AGAP1: variants seen among roughly 807,000 people sequenced by gnomAD.
The protein encoded by AGAP1 is ArfGAP with GTPase domain, ankyrin repeat and PH domain 1.
Under a neutral mutation model 105.3 loss-of-function variants are expected in AGAP1, and 29 were observed. That is an observed-to-expected ratio of 0.28 (90% confidence interval 0.21 to 0.38). The LOEUF (loss-of-function observed/expected upper bound fraction) is 0.38, where lower values mean the gene tolerates loss of function less well. AGAP1 is among the 10% of genes least tolerant of loss of function. The probability of loss-of-function intolerance (pLI) is 1.00; values close to 1 mark genes in which losing one functional copy is unlikely to be tolerated. For synonymous variants in AGAP1, 509 were observed against 485.9 expected (o/e 1.05, Z -0.63); for missense variants, 998 against 1,165.1 (o/e 0.86, Z 2.09).
intron 1 of AGAP1, among the ~76,000 whole-genome samples, chr2:235,653,529 A>C (rs532902842): frequency 2.5e-4 from 37 of 150,124 alleles, no homozygotes; most frequent in Middle Eastern, 3.4e-3. Flanking sequence ...CATAACATAA[A>C]ATAAAATAAT....
At chr2:235,558,868 C>T (rs1240165724) in intron 1 of AGAP1, among the ~76,000 whole-genome samples, 1 of 152,086 alleles carries the variant, frequency 6.6e-6, no homozygotes, top group Non-Finnish European at 1.5e-5. Flanking sequence ...AAATCATTAC[C>T]ATAGCCTCAG....
At position 235,891,569 on chromosome 2, in the gene AGAP1, C is replaced by T. The variant is rs535447710; in HGVS notation, c.1155+8120C>T. Among the ~76,000 whole-genome samples, 2 of 152,272 alleles carry T rather than the reference C, an allele frequency of 1.3e-5. No individual in the cohort carries two copies. The highest frequency in any genetic ancestry group is 4.8e-5 in the African/African-American group (2 of 41,560). On this transcript the variant is annotated intron_variant, in intron 10 of 17. Coordinates refer to ENST00000304032, the MANE Select transcript of AGAP1 (RefSeq NM_001037131.3). The surrounding 1 kb of genome is among the most constrained non-coding windows in gnomAD (Gnocchi z 4.2). Reference sequence around the variant, plus strand: ...ACTTGGACCTCAGGGCTTCACAGTTCAGCGTGGCCACCTATTCATCTTCCA... The same window carrying T: ...ACTTGGACCTCAGGGCTTCACAGTTTAGCGTGGCCACCTATTCATCTTCCA...
In AGAP1 at chr2:236,044,884, C is replaced by T. The variant is rs920685340; in HGVS notation, c.1891+4043C>T. Among the ~76,000 whole-genome samples the T allele has an allele frequency of 5.3e-5, 8 of 149,780 alleles. No homozygotes were observed. The highest frequency in any genetic ancestry group is 2.0e-4 in the African/African-American group (8 of 40,998). ...TTTCTGGTTTGGGCGGGGGCAGGGG[C>T]GGGTTGAGATGGGGTCTCGCCCTAT... On this transcript the variant is annotated intron_variant, in intron 15 of 17. Transcript: ENST00000304032. This position sits in a 1 kb window ranked among gnomAD's most constrained non-coding sequence, Gnocchi z 5.7.
rs1255313624 is a variant in AGAP1 at position 235,864,878 on chromosome 2, A to G, written c.1051-18467A>G. 6.6e-6 allele frequency among the ~76,000 whole-genome samples: 1 copy of G among 152,002 alleles called. No individual in the cohort carries two copies. The highest frequency in any genetic ancestry group is 1.5e-5 in the Non-Finnish European group (1 of 68,014). On this transcript the variant is annotated intron_variant, in intron 9 of 17. Coordinates refer to ENST00000304032, the MANE Select transcript of AGAP1 (RefSeq NM_001037131.3). The surrounding 1 kb of genome is among the most constrained non-coding windows in gnomAD (Gnocchi z 5.0). ...CATATTCAAAATTCCTTTGATTAGC[A>G]TTTGGTTCTGGTTGGGACTTAATAA... is the stretch of plus-strand genomic sequence containing the variant.
chr2:235,666,465 A>C (rs1209834891), intron 1 of AGAP1, among the ~76,000 whole-genome samples: 2 of 152,082 alleles, frequency 1.3e-5, no homozygotes, highest in Non-Finnish European at 2.9e-5. Context: ...GGGGAAAGGC[A>C]ATTCTCTGTG....
chr2:235,878,249 G>A (rs779273010), intron 9 of AGAP1, among the ~76,000 whole-genome samples: 2 of 152,212 alleles, frequency 1.3e-5, no homozygotes, highest in African/African-American at 4.8e-5. Context: ...CCTGCAGCAG[G>A]TTCAGTGTAA....
intron 1 of AGAP1, among the ~76,000 whole-genome samples, chr2:235,647,996 A>T (rs752929071): frequency 1.3e-5 from 2 of 152,180 alleles, no homozygotes; most frequent in Non-Finnish European, 2.9e-5. Flanking sequence ...GGTGACTGAG[A>T]TGAGCACATG....
Position 235,769,195 on chromosome 2 carries a change from G to A in AGAP1, c.673+18707G>A, listed in dbSNP as rs1006331544. Among the ~76,000 whole-genome samples the A allele has an allele frequency of 9.2e-5, 14 of 152,114 alleles. No homozygotes were observed. The highest frequency in any genetic ancestry group is 3.4e-4 in the African/African-American group (14 of 41,436). ...ACAGTCCTGTTGCTGCTACCTTGGGGCCCAGGCGTGTCTTTTGTCCCCCAG... is the reference window on the plus strand; with the variant it reads ...ACAGTCCTGTTGCTGCTACCTTGGGACCCAGGCGTGTCTTTTGTCCCCCAG... On this transcript the variant is annotated intron_variant, in intron 6 of 17. Coordinates refer to ENST00000304032, the MANE Select transcript of AGAP1 (RefSeq NM_001037131.3). This position sits in a 1 kb window ranked among gnomAD's most constrained non-coding sequence, Gnocchi z 4.4.
intron 10 of AGAP1, among the ~76,000 whole-genome samples, chr2:235,898,081 C>T (rs2050891809): frequency 6.6e-6 from 1 of 152,212 alleles, no homozygotes; most frequent in Non-Finnish European, 1.5e-5. Flanking sequence ...CAACTCTAGG[C>T]TAAAAATCCG....
At position 236,009,712 on chromosome 2, in the gene AGAP1, A is replaced by C. The variant is rs756743875; in HGVS notation, c.1646-26849A>C. Reference sequence around the variant, plus strand: ...AGGTAAAAAGATCCTATTAGTTCTCATAATTGATTCTGAGGGCTGCAGCGT... The same window carrying C: ...AGGTAAAAAGATCCTATTAGTTCTCCTAATTGATTCTGAGGGCTGCAGCGT... On this transcript the variant is annotated intron_variant, in intron 13 of 17. Coordinates refer to ENST00000304032, the MANE Select transcript of AGAP1 (RefSeq NM_001037131.3). The surrounding 1 kb of genome is among the most constrained non-coding windows in gnomAD (Gnocchi z 4.2). 2.0e-5 allele frequency among the ~76,000 whole-genome samples: 3 copies of C among 152,164 alleles called. No homozygotes were observed. Among genetic ancestry groups the C allele is most frequent in the Non-Finnish European group, 4.4e-5 (3 of 68,030 alleles).
At chr2:235,653,337 A>G (rs1331896000) in intron 1 of AGAP1, among the ~76,000 whole-genome samples, 26 of 150,874 alleles carry the variant, frequency 1.7e-4, no homozygotes, top group Admixed American at 1.6e-3. Flanking sequence ...GGTGGCGGGC[A>G]CCTGTGGTCC....
At chr2:235,604,731 C>T (rs540747898) in intron 1 of AGAP1, among the ~76,000 whole-genome samples, 3 of 150,622 alleles carry the variant, frequency 2.0e-5, no homozygotes, top group South Asian at 4.2e-4. Context: ...TACAGGCGCC[C>T]GCTACCACGC....
rs577870755 is a variant in AGAP1, at chr2:235,496,889, A to G, written c.163+2040A>G. Among the ~76,000 whole-genome samples, 3 of 152,300 alleles carry G rather than the reference A, an allele frequency of 2.0e-5. No individual in the cohort carries two copies. The South Asian group carries it at 6.2e-4, about 32-fold the overall frequency. Reference sequence around the variant, plus strand: ...GTCATTTTTAATAAGGCTTAGAATCATTGGGTGAATCCTGTTTGGGACTGG... The same window carrying G: ...GTCATTTTTAATAAGGCTTAGAATCGTTGGGTGAATCCTGTTTGGGACTGG... On this transcript the variant is annotated intron_variant, in intron 1 of 17. Coordinates refer to ENST00000304032, the MANE Select transcript of AGAP1 (RefSeq NM_001037131.3).
chr2:235,903,504 C>T (rs917491421), intron 10 of AGAP1, among the ~76,000 whole-genome samples: 2 of 152,140 alleles, frequency 1.3e-5, no homozygotes, highest in African/African-American at 4.8e-5. Context: ...CACCAGACAG[C>T]CAAAGGTAAC....
At chr2:235,895,265 T>C (rs2050747583) in intron 10 of AGAP1, among the ~76,000 whole-genome samples, 1 of 152,204 alleles carries the variant, frequency 6.6e-6, no homozygotes, top group Non-Finnish European at 1.5e-5. Context: ...TGAGTTCTTT[T>C]ATGTATTTCC....
At chr2:235,928,798 C>T (rs987826397) in intron 11 of AGAP1, among the ~76,000 whole-genome samples, 1 of 152,162 alleles carries the variant, frequency 6.6e-6, no homozygotes, top group Non-Finnish European at 1.5e-5. Flanking sequence ...GATGGTGGCA[C>T]GTGGAAAATA....
chr2:235,661,056 A>G (rs1167378150), intron 1 of AGAP1, among the ~76,000 whole-genome samples: 1 of 152,030 alleles, frequency 6.6e-6, no homozygotes, highest in Non-Finnish European at 1.5e-5. Flanking sequence ...GTACCCTCAG[A>G]CTCTGATTGC....
rs13395184 is a variant in AGAP1 at position 235,953,808 on chromosome 2, C to T, written c.1484-14654C>T. On this transcript the variant is annotated intron_variant, in intron 12 of 17. Transcript: ENST00000304032. The surrounding 1 kb of genome is among the most constrained non-coding windows in gnomAD (Gnocchi z 5.2). ...CATGGTGGGTCATACCTGTGGTCCACGCTCCTTGGGAGGCTGAGGCAGGAG... is the reference window on the plus strand; with the variant it reads ...CATGGTGGGTCATACCTGTGGTCCATGCTCCTTGGGAGGCTGAGGCAGGAG... Among the ~76,000 whole-genome samples the T allele has an allele frequency of 3.9e-5, 6 of 152,142 alleles. No individual in the cohort carries two copies. The highest frequency in any genetic ancestry group is 3.9e-4 in the East Asian group (2 of 5,172).
chr2:236,019,694 C>T (rs1182244535), intron 13 of AGAP1, among the ~76,000 whole-genome samples: 1 of 152,214 alleles, frequency 6.6e-6, no homozygotes, highest in Non-Finnish European at 1.5e-5. Flanking sequence ...GAGGTGTGTG[C>T]CGAGGATTCT....
Sources: allele counts gnomAD v4.1 joint callset (sites outside exome capture counted in the v4.1 genomes callset), GRCh38; gene constraint gnomAD v4.1.1; non-coding constraint Gnocchi (gnomAD v3.1); transcripts MANE v1.5; gene names NCBI Gene and HGNC (gene_info 2026-07-23, HGNC 2026-07-21).